The following PKD2 variants were observed in gnomAD, a reference collection of about 807,000 sequenced individuals.
The protein encoded by PKD2 is polycystin 2, transient receptor potential cation channel, also known as polycystin-2.
Under a neutral mutation model 105.9 loss-of-function variants are expected in PKD2, and 48 were observed. That is an observed-to-expected ratio of 0.45 (90% confidence interval 0.36 to 0.58). The LOEUF (loss-of-function observed/expected upper bound fraction) is 0.58, where lower values mean the gene tolerates loss of function less well. Ranked by LOEUF, PKD2 falls within the 20% of genes least tolerant of loss-of-function variation. The pLI is 0.00. For synonymous variants in PKD2, 464 were observed against 481.1 expected, an observed-to-expected ratio of 0.96 and a Z score of 0.46; for missense variants, 1,078 against 1,255.3, an observed-to-expected ratio of 0.86 and a Z score of 2.13.
At chr4:88,019,239 G>A (rs1726662013) in intron 1 of PKD2, among the ~76,000 whole-genome samples, 1 of 151,082 alleles carries the variant, frequency 6.6e-6, no homozygotes, top group African/African-American at 2.4e-5. Flanking sequence ...CTTATGTTTT[G>A]CATGTTTGGG....
At chr4:88,041,883 T>G (rs1727577543) in intron 4 of PKD2, among the ~76,000 whole-genome samples, 1 of 152,224 alleles carries the variant, frequency 6.6e-6, no homozygotes, top group African/African-American at 2.4e-5. Context: ...TCAGGCCTGC[T>G]GTGTTAACTC....
Position 88,007,692 on chromosome 4 carries a change from G to C in PKD2, c.-42G>C. ...TGGCTCCTGAGGCGCACAGCGCCGAGCGCGGCGCCGCGCACCCGCGCGCCG... is the reference window on the plus strand; with the variant it reads ...TGGCTCCTGAGGCGCACAGCGCCGACCGCGGCGCCGCGCACCCGCGCGCCG... On this transcript the variant is annotated 5_prime_UTR_variant, in exon 1 of 15. Coordinates refer to ENST00000237596, the MANE Select transcript of PKD2 (RefSeq NM_000297.4). 1 of 1,141,532 alleles carries C rather than the reference G, an allele frequency of 8.8e-7. No homozygotes were observed. The highest frequency in any genetic ancestry group is 1.1e-6 in the Non-Finnish European group (1 of 926,040). The allele number at this position is 1,141,532 out of a possible 1,614,324, so 70.7% of individuals were successfully genotyped here.
chr4:88,031,712 C>G (rs1727159952), intron 2 of PKD2, among the ~76,000 whole-genome samples: 1 of 152,114 alleles, frequency 6.6e-6, no homozygotes, highest in South Asian at 2.1e-4. Flanking sequence ...TGTCTACTTT[C>G]TCTGTCAAAG....
chr4:88,073,261 C>T (rs1473904602), intron 13 of PKD2, among the ~76,000 whole-genome samples: 1 of 151,776 alleles, frequency 6.6e-6, no homozygotes, highest in Non-Finnish European at 1.5e-5. Flanking sequence ...TGGCTCACAC[C>T]TGTAATCCCA....
chr4:88,067,712 T>C (rs1425519897), intron 12 of PKD2, among the ~76,000 whole-genome samples, 186 bp from the exon 13 acceptor site: 1 of 152,232 alleles, frequency 6.6e-6, no homozygotes, highest in East Asian at 1.9e-4. Context: ...AGTTGGCTAT[T>C]CCTTGCTGTT....
intron 2 of PKD2, 151 bp from the exon 3 acceptor site, chr4:88,036,069 A>G (rs529439165): frequency 9.1e-7 from 1 of 1,095,908 alleles, no homozygotes; most frequent in East Asian, 2.4e-5. Flanking sequence ...TAGAAGAATG[A>G]TAGGGGAAAG....
rs142118986 is a variant in PKD2, at chr4:88,038,305, C to G, written c.898C>G (p.Gln300Glu). 2 of 1,613,774 alleles carry G rather than the reference C, an allele frequency of 1.2e-6. No homozygotes were observed. The highest frequency in any genetic ancestry group is 2.7e-5 in the African/African-American group (2 of 74,896). The part of the protein sequence containing the change: ...GLYWKMQPSN[Q>E]TEADNRSFIF... ...GTACTGGAAGATGCAGCCCAGCAAC[C>G]AGACTGAAGCTGACAACCGAAGTTT... The change falls in exon 4 of 15, where the codon CAG becomes GAG. Residue 300 changes from glutamine to glutamate, a missense_variant. Gln to Glu is a conservative substitution (Grantham distance 29). Transcript: ENST00000237596.
At chr4:88,013,799 TGA>T (rs1232396239) in intron 1 of PKD2, among the ~76,000 whole-genome samples, 2 of 150,808 alleles carry the variant, frequency 1.3e-5, no homozygotes, top group East Asian at 3.9e-4. Context: ...TTTTGAAGAA[TGA>T]GAGGGGAATA....
At position 88,008,229 on chromosome 4, in the gene PKD2, A is replaced by C. The variant is rs973104815; in HGVS notation, c.496A>C (p.Ser166Arg). The change falls in exon 1 of 15, where the codon AGC (serine) becomes CGC (arginine). Residue 166 changes from serine to arginine, a missense_variant. By Grantham distance (110) the Ser-to-Arg change is moderately radical. Around this residue, in one of 2 missense-constraint regions of PKD2, gnomAD observed 868 missense variants for 1,067.3 expected, o/e 0.81. Coordinates refer to ENST00000237596, the MANE Select transcript of PKD2 (RefSeq NM_000297.4). ...AGAGGACCAGGGCCCGCCGTGCCCC[A>C]GCCCAGTCGGCGGCGGGGACCCGCT... ...RREDQGPPCP[S>R]PVGGGDPLHR... The C allele has an allele frequency of 2.1e-6, 3 of 1,439,928 alleles. No individual in the cohort carries two copies. The highest frequency in any genetic ancestry group is 3.0e-5 in the East Asian group (1 of 33,390). 89.2% of individuals were successfully genotyped at this position (1,439,928 alleles called of 1,614,324 possible). A position where few individuals can be genotyped will look rare whatever the true frequency, so the allele number is the denominator to read the frequency against.
Position 88,074,799 on chromosome 4 carries a change from G to A in PKD2, c.2523-13G>A. 6.2e-7 allele frequency: 1 copy of A among 1,613,926 alleles called. No homozygotes were observed. Reference sequence around the variant, plus strand: ...CAAGCACTTTGTCCCTCTGTACTGTGTTTTCCTTGCAGCCTGGTGAGACGA... The same window carrying A: ...CAAGCACTTTGTCCCTCTGTACTGTATTTTCCTTGCAGCCTGGTGAGACGA... On this transcript the variant is annotated splice_polypyrimidine_tract_variant and intron_variant, in intron 13 of 14. Transcript: ENST00000237596.
At chr4:88,057,080 C>G (rs1419275679) in intron 8 of PKD2, among the ~76,000 whole-genome samples, 1 of 152,024 alleles carries the variant, frequency 6.6e-6, no homozygotes, top group African/African-American at 2.4e-5. Flanking sequence ...GCCTTGAACT[C>G]CTAGGCTCAA....
chr4:88,009,490 ATT>A (rs5860111), intron 1 of PKD2, among the ~76,000 whole-genome samples: 49 of 148,036 alleles, frequency 3.3e-4, no homozygotes, highest in South Asian at 4.2e-4. Flanking sequence ...CAATTTTTGG[ATT>A]TTTTTTTTTT....
At chr4:88,043,838 A>C (rs986089929) in intron 5 of PKD2, among the ~76,000 whole-genome samples, 2 of 152,016 alleles carry the variant, frequency 1.3e-5, no homozygotes, top group Non-Finnish European at 2.9e-5. Flanking sequence ...GGAGTTTCTC[A>C]CTCTCAGATG....
At position 88,076,915 on chromosome 4, in the gene PKD2, TA is replaced by T. The variant is rs1216536879; in HGVS notation, c.*1227del. The T allele has an allele frequency of 3.3e-5, 5 of 152,142 alleles. No homozygotes were observed. In the East Asian group the frequency reaches 7.7e-4, roughly 23 times the overall value. The allele number at this position is 152,142 out of a possible 1,614,324, so 9.4% of individuals were successfully genotyped here. On this transcript the variant is annotated 3_prime_UTR_variant, in exon 15 of 15. Transcript: ENST00000237596. The stretch of plus-strand genomic sequence containing the variant: ...GTAATGCAAATGGAGCTCAGTCTAA[TA>T]AAAAAGAGGTTTTGGTATTAAAAGT...
Position 88,065,505 on chromosome 4 carries a change from A to G in PKD2, c.2240+10A>G, listed in dbSNP as rs201679112. On this transcript the variant is annotated intron_variant, in intron 11 of 14. Transcript: ENST00000237596. ...GACAAGATCTCAAAGGGTGAGAATC[A>G]TGCTTCCTGAGGTTCTGAAAAATTC... 77 of 1,613,340 alleles carry G rather than the reference A, an allele frequency of 4.8e-5. No individual in the cohort carries two copies. Among genetic ancestry groups the G allele is most frequent in the Admixed American group, 1.2e-4 (7 of 59,986 alleles).
intron 9 of PKD2, among the ~76,000 whole-genome samples, chr4:88,058,756 A>C (rs935030506): frequency 6.6e-6 from 1 of 152,202 alleles, no homozygotes; most frequent in Non-Finnish European, 1.5e-5. Flanking sequence ...ATTATTTTCA[A>C]AAATAATTTT....
intron 10 of PKD2, among the ~76,000 whole-genome samples, chr4:88,063,036 C>A (rs1049083229): frequency 1.3e-4 from 20 of 152,168 alleles, no homozygotes; most frequent in African/African-American, 4.6e-4. Context: ...GCACAAAGTA[C>A]AAACTCCACT....
At chr4:88,017,256 CAGAG>C (rs1032423090) in intron 1 of PKD2, among the ~76,000 whole-genome samples, 8 of 152,240 alleles carry the variant, frequency 5.3e-5, no homozygotes, top group East Asian at 1.9e-4. Context: ...GGCTGGGTAA[CAGAG>C]AGAGACCCTG....
chr4:88,051,249 C>G (rs186497265), intron 6 of PKD2, among the ~76,000 whole-genome samples: 11 of 152,276 alleles, frequency 7.2e-5, no homozygotes, highest in Non-Finnish European at 1.3e-4. Context: ...TTCTTGAGCC[C>G]TCTGTATTCA....
Sources: gnomAD v4.1 joint callset for allele counts (sites outside exome capture counted in the v4.1 genomes callset) on GRCh38, gnomAD v4.1.1 for gene constraint, gnomAD v4.1.1 regional missense constraint, MANE v1.5 for transcripts, NCBI Gene and HGNC (gene_info 2026-07-23, HGNC 2026-07-21) for gene names.